The following ARHGAP24 variants were observed in gnomAD, a reference collection of about 807,000 sequenced individuals.
ARHGAP24 encodes Rho GTPase activating protein 24.
ARHGAP24 carries 50 observed loss-of-function variants against 76.4 expected under a neutral mutation model. The ratio of observed to expected loss-of-function variants is 0.65; its 90% confidence interval spans 0.52 to 0.83. The LOEUF (loss-of-function observed/expected upper bound fraction) is 0.83, where lower values mean the gene tolerates loss of function less well. Ranked by LOEUF, ARHGAP24 falls within the 40% of genes least tolerant of loss-of-function variation. ARHGAP24 has a pLI of 0.00. For synonymous variants in ARHGAP24, 345 were observed against 323.3 expected, an observed-to-expected ratio of 1.07 and a Z score of -0.72; for missense variants, 930 against 914.2, an observed-to-expected ratio of 1.02 and a Z score of -0.22.
At chr4:85,894,048 A>G (rs568483972) in intron 3 of ARHGAP24, among the ~76,000 whole-genome samples, 9 of 144,300 alleles carry the variant, frequency 6.2e-5, no homozygotes, top group Non-Finnish European at 1.2e-4. Flanking sequence ...ATGTATACAT[A>G]TGTAACTAAC....
At chr4:85,714,192 G>A (rs1724642636) in intron 2 of ARHGAP24, among the ~76,000 whole-genome samples, 1 of 152,148 alleles carries the variant, frequency 6.6e-6, no homozygotes, top group Admixed American at 6.6e-5. Context: ...AGAAATTCAT[G>A]TTCTCCTGTT....
intron 2 of ARHGAP24, among the ~76,000 whole-genome samples, chr4:85,581,532 A>G (rs1239151069): frequency 6.6e-6 from 1 of 152,158 alleles, no homozygotes; most frequent in African/African-American, 2.4e-5. Flanking sequence ...ACTGACTTAG[A>G]CATGAGTTGT....
At chr4:85,853,970 CA>C (rs70948760) in intron 3 of ARHGAP24, among the ~76,000 whole-genome samples, 4 of 148,290 alleles carry the variant, frequency 2.7e-5, no homozygotes, top group South Asian at 2.1e-4. Context: ...AACAAAAAGA[CA>C]AAAAAAAACC....
intron 3 of ARHGAP24, among the ~76,000 whole-genome samples, chr4:85,886,856 ACTC>A (rs1733595564): frequency 6.6e-6 from 1 of 152,102 alleles, no homozygotes; most frequent in Non-Finnish European, 1.5e-5. Context: ...AACAAGGATG[ACTC>A]ACATGGGCAA....
At chr4:85,800,174 G>T (rs1199193946) in intron 3 of ARHGAP24, among the ~76,000 whole-genome samples, 1 of 152,172 alleles carries the variant, frequency 6.6e-6, no homozygotes, top group African/African-American at 2.4e-5. Context: ...ATTAACACAA[G>T]ATAAAGCTGG....
At chr4:85,950,245 C>A (rs1737531958) in intron 5 of ARHGAP24, among the ~76,000 whole-genome samples, 1 of 152,096 alleles carries the variant, frequency 6.6e-6, no homozygotes, top group South Asian at 2.1e-4. Context: ...GTAATCCCAG[C>A]ACTTTGGGAG....
chr4:85,666,704 C>T (rs1273729570), intron 2 of ARHGAP24, among the ~76,000 whole-genome samples: 1 of 152,144 alleles, frequency 6.6e-6, no homozygotes, highest in Non-Finnish European at 1.5e-5. Flanking sequence ...TGTTAGTTTT[C>T]CTTTTAACAG....
intron 2 of ARHGAP24, among the ~76,000 whole-genome samples, chr4:85,582,410 T>C (rs972474740): frequency 2.6e-5 from 4 of 151,976 alleles, no homozygotes; most frequent in African/African-American, 7.2e-5. Flanking sequence ...GTTATCTCCG[T>C]TTTTGACTCT....
At chr4:85,813,466 T>C (rs1037482160) in intron 3 of ARHGAP24, among the ~76,000 whole-genome samples, 3 of 152,178 alleles carry the variant, frequency 2.0e-5, no homozygotes, top group African/African-American at 7.2e-5. Context: ...TCAACATCTA[T>C]GTGAATTTGA....
intron 3 of ARHGAP24, among the ~76,000 whole-genome samples, chr4:85,865,929 C>T (rs114656054): frequency 0.013 from 2,020 of 151,892 alleles, 48 homozygotes; most frequent in African/African-American, 0.046. Context: ...AAAAGAAAAA[C>T]CAAACAAAGG....
intron 2 of ARHGAP24, among the ~76,000 whole-genome samples, chr4:85,684,444 A>G (rs1021873823): frequency 1.3e-5 from 2 of 152,122 alleles, no homozygotes; most frequent in African/African-American, 4.8e-5. Flanking sequence ...ATATCTATAC[A>G]TTGCTGCTCC....
At position 85,835,391 on chromosome 4, in the gene ARHGAP24, C is replaced by G. The variant is rs1400235191; in HGVS notation, c.269-88257C>G. ...TAGCTAACACGGTGAAACCCCGCGT[C>G]TCTACTAAAAATACAAAAATTAGCC... On this transcript the variant is annotated intron_variant, in intron 3 of 9. Coordinates refer to ENST00000395184, the MANE Select transcript of ARHGAP24 (RefSeq NM_001025616.3). Among the ~76,000 whole-genome samples the G allele has an allele frequency of 2.0e-5, 3 of 151,724 alleles. No homozygotes were observed. In the East Asian group the frequency reaches 5.9e-4, roughly 30 times the overall value.
chr4:85,917,349 T>C (rs1735472112), intron 3 of ARHGAP24, among the ~76,000 whole-genome samples: 1 of 152,040 alleles, frequency 6.6e-6, no homozygotes, highest in South Asian at 2.1e-4. Flanking sequence ...TCTTTGCTAT[T>C]GTGAATAGTG....
At position 85,617,404 on chromosome 4, in the gene ARHGAP24, C is replaced by T. The variant is rs560263215; in HGVS notation, c.180+46683C>T. Among the ~76,000 whole-genome samples, 160 of 151,976 alleles carry T rather than the reference C, an allele frequency of 1.1e-3. 1 individual carries two copies. Among genetic ancestry groups the T allele is most frequent in the African/African-American group, 3.3e-3 (137 of 41,520 alleles). On this transcript the variant is annotated intron_variant, in intron 2 of 9. Coordinates refer to ENST00000395184, the MANE Select transcript of ARHGAP24 (RefSeq NM_001025616.3). ...ACCTGTTACTACTTACTTACGTATCCTTCCGGAGATGTTCAGTGCACACGC... is the reference window on the plus strand; with the variant it reads ...ACCTGTTACTACTTACTTACGTATCTTTCCGGAGATGTTCAGTGCACACGC...
chr4:85,697,063 G>A (rs999984358), intron 2 of ARHGAP24, among the ~76,000 whole-genome samples: 1 of 152,136 alleles, frequency 6.6e-6, no homozygotes, highest in Non-Finnish European at 1.5e-5. Flanking sequence ...TTTAGTTTTA[G>A]AAAATCACTG....
intron 3 of ARHGAP24, among the ~76,000 whole-genome samples, chr4:85,745,428 A>G (rs1725995077): frequency 7.8e-6 from 1 of 127,438 alleles, no homozygotes; most frequent in Admixed American, 7.9e-5. Flanking sequence ...TATATATAAT[A>G]TATATATACA....
intron 3 of ARHGAP24, among the ~76,000 whole-genome samples, chr4:85,732,795 G>A (rs949449975): frequency 2.7e-5 from 4 of 148,978 alleles, no homozygotes; most frequent in Non-Finnish European, 4.4e-5. Flanking sequence ...CCGGGTTCAA[G>A]CGATTCTCCT....
intron 1 of ARHGAP24, among the ~76,000 whole-genome samples, chr4:85,547,440 T>C (rs534362502): frequency 6.9e-6 from 1 of 144,908 alleles, no homozygotes; most frequent in East Asian, 1.9e-4. Context: ...ACTGGCAATG[T>C]AATTTTTTTT....
intron 2 of ARHGAP24, among the ~76,000 whole-genome samples, chr4:85,647,625 A>C (rs1246934638): frequency 6.6e-6 from 1 of 152,192 alleles, no homozygotes; most frequent in East Asian, 1.9e-4. Context: ...TAATGAATGT[A>C]GAATTGAATT....
Sources: gnomAD v4.1 joint callset for allele counts (sites outside exome capture counted in the v4.1 genomes callset) on GRCh38, gnomAD v4.1.1 for gene constraint, MANE v1.5 for transcripts, NCBI Gene and HGNC (gene_info 2026-07-23, HGNC 2026-07-21) for gene names.